WDPCP: variants seen among roughly 807,000 people sequenced by gnomAD.
WDPCP encodes the protein WD repeat containing planar cell polarity effector.
WDPCP carries 71 observed loss-of-function variants against 93.1 expected under a neutral mutation model. The ratio of observed to expected loss-of-function variants is 0.76; its 90% CI spans 0.63 to 0.93. WDPCP has a LOEUF of 0.93. Among genes scored for constraint, WDPCP ranks in the 40% least tolerant of loss-of-function variants. The pLI is 0.00. For missense variants in WDPCP, 844 were observed against 887.4 expected (o/e 0.95, Z 0.62); for synonymous variants, 315 against 315.0 (o/e 1.00, Z 0.00).
chr2:63,172,379 G>A (rs1414470014), intron 15 of WDPCP, among the ~76,000 whole-genome samples: 7 of 152,058 alleles, frequency 4.6e-5, no homozygotes, highest in Admixed American at 1.3e-4. Context: ...ATGGTGGCAC[G>A]TGCCTGTAGT....
At chr2:63,534,200 G>C (rs1019963127) in intron 1 of WDPCP, among the ~76,000 whole-genome samples, 1 of 152,188 alleles carries the variant, frequency 6.6e-6, no homozygotes, top group Non-Finnish European at 1.5e-5. Flanking sequence ...AACAGGCTCT[G>C]AAATTGAGGC....
intron 3 of WDPCP, among the ~76,000 whole-genome samples, chr2:63,647,088 A>G (rs963037838): frequency 6.6e-6 from 1 of 151,756 alleles, no homozygotes; most frequent in South Asian, 2.1e-4. Flanking sequence ...GGTGTGCTTC[A>G]TTGTTTTTTC....
chr2:63,156,246 G>A (rs184649667), intron 15 of WDPCP, among the ~76,000 whole-genome samples: 188 of 151,646 alleles, frequency 1.2e-3, no homozygotes, highest in Middle Eastern at 6.8e-3. Context: ...CATGTGATCC[G>A]CCCTCCTAGG....
intron 12 of WDPCP, among the ~76,000 whole-genome samples, chr2:63,314,395 C>T: frequency 6.6e-6 from 1 of 152,060 alleles, no homozygotes; most frequent in East Asian, 1.9e-4. Context: ...GTCTCAAATT[C>T]ATGGGCTCAA....
rs545786417 is a variant in WDPCP, at chr2:63,397,591, A to G, written c.1435+6457T>C. 1.1e-4 allele frequency among the ~76,000 whole-genome samples: 16 copies of G among 152,354 alleles called. 1 individual carries two copies. The highest frequency in any genetic ancestry group is 3.6e-4 in the African/African-American group (15 of 41,590). ...TTTCATGAGTAGGCAGAAGAAGAGC[A>G]TAAAAATGTGATAGAAAGTTGCATT... On this transcript the variant is annotated intron_variant, in intron 10 of 17. Coordinates refer to ENST00000272321, the MANE Select transcript of WDPCP (RefSeq NM_015910.7).
chr2:63,362,258 C>CTTTTT (rs67493046), intron 12 of WDPCP, among the ~76,000 whole-genome samples: 3 of 93,272 alleles, frequency 3.2e-5, no homozygotes, highest in East Asian at 3.5e-4. Flanking sequence ...GGTAGAATCC[C>CTTTTT]TTTTTTTTTT....
intron 1 of WDPCP, among the ~76,000 whole-genome samples, chr2:63,554,422 G>A (rs753023968): frequency 6.6e-6 from 1 of 151,986 alleles, no homozygotes; most frequent in Non-Finnish European, 1.5e-5. Context: ...TAAATATGTT[G>A]TACTTGATCA....
At chr2:63,174,564 T>A (rs1673654397) in intron 15 of WDPCP, 106 bp downstream of exon 15, 1 of 1,498,436 alleles carries the variant, frequency 6.7e-7, no homozygotes, top group East Asian at 2.3e-5. Context: ...AATGCAAATT[T>A]TTCTCCTTGA....
At chr2:63,790,450 C>A (rs956638404) in intron 2 of WDPCP, among the ~76,000 whole-genome samples, 1 of 152,176 alleles carries the variant, frequency 6.6e-6, no homozygotes, top group Non-Finnish European at 1.5e-5. Flanking sequence ...AGCAGGTGCA[C>A]AAGTGGATCT....
intron 3 of WDPCP, among the ~76,000 whole-genome samples, chr2:63,637,993 A>G (rs1441239342): frequency 1.3e-5 from 2 of 152,228 alleles, no homozygotes; most frequent in African/African-American, 4.8e-5. Context: ...TCTCATGTTC[A>G]TTGGATGGAT....
At position 63,211,574 on chromosome 2, in the gene WDPCP, C is replaced by T. The variant is rs1219183206; in HGVS notation, c.1916-36742G>A. The stretch of plus-strand genomic sequence containing the variant: ...GTGCCTCTTCTCCTCCAAAGGAACA[C>T]AGCTCCTTGCCAGCAACAGAACAAA... On this transcript the variant is annotated intron_variant, in intron 14 of 17. Transcript: ENST00000272321. Among the ~76,000 whole-genome samples, 3 of 152,196 alleles carry T rather than the reference C, an allele frequency of 2.0e-5. No homozygotes were observed. In the East Asian group the frequency reaches 5.8e-4, roughly 29 times the overall value.
chr2:63,291,814 A>C (rs1684443200), intron 13 of WDPCP, among the ~76,000 whole-genome samples: 1 of 151,230 alleles, frequency 6.6e-6, no homozygotes, highest in Admixed American at 6.6e-5. Context: ...CTTACAAAAA[A>C]AAAAAAAGAA....
At position 63,471,115 on chromosome 2, in the gene WDPCP, T is replaced by C. The variant is rs182340576; in HGVS notation, c.384+13489A>G. On this transcript the variant is annotated intron_variant, in intron 6 of 17. Coordinates refer to ENST00000272321, the MANE Select transcript of WDPCP (RefSeq NM_015910.7). Reference sequence around the variant, plus strand: ...CTCTCTTACATATTTTCCTTATTCATCTTTTCTTGACTCTGTCCTCTTTTA... The same window carrying C: ...CTCTCTTACATATTTTCCTTATTCACCTTTTCTTGACTCTGTCCTCTTTTA... 2.0e-3 allele frequency among the ~76,000 whole-genome samples: 308 copies of C among 152,330 alleles called. 1 individual carries two copies. The highest frequency in any genetic ancestry group is 0.017 in the Admixed American group (263 of 15,298).
chr2:63,308,891 C>A (rs893635216), intron 13 of WDPCP, among the ~76,000 whole-genome samples: 1 of 151,866 alleles, frequency 6.6e-6, no homozygotes, highest in African/African-American at 2.4e-5. Flanking sequence ...AAAGTATAAT[C>A]AAAGAAAATG....
intron 2 of WDPCP, among the ~76,000 whole-genome samples, chr2:63,759,309 C>A (rs562240296): frequency 4.6e-5 from 7 of 152,252 alleles, no homozygotes; most frequent in Admixed American, 3.9e-4. Context: ...CAACCTGTAT[C>A]GGCCTCTGTA....
intron 15 of WDPCP, among the ~76,000 whole-genome samples, chr2:63,164,427 A>G (rs925668029): frequency 6.6e-6 from 1 of 152,088 alleles, no homozygotes; most frequent in African/African-American, 2.4e-5. Flanking sequence ...TTGTGATAGC[A>G]AGTAAGTTCT....
chr2:63,136,441 T>A (rs754413224), intron 17 of WDPCP, among the ~76,000 whole-genome samples: 1 of 152,074 alleles, frequency 6.6e-6, no homozygotes, highest in African/African-American at 2.4e-5. Context: ...AATATGGGTA[T>A]AATAAAATAT....
chr2:63,622,202 CT>C, intron 3 of WDPCP: 1 of 1,600,972 alleles, frequency 6.2e-7, no homozygotes. Flanking sequence ...GCTGCTGCTG[CT>C]TCTTGGTGGC....
intron 6 of WDPCP, among the ~76,000 whole-genome samples, chr2:63,482,534 A>G (rs1700329079): frequency 6.6e-6 from 1 of 152,018 alleles, no homozygotes; most frequent in African/African-American, 2.4e-5. Context: ...TCATTCCCTT[A>G]AGCTAATAAC....
Sources: allele counts gnomAD v4.1 joint callset (sites outside exome capture counted in the v4.1 genomes callset), GRCh38; gene constraint gnomAD v4.1.1; transcripts MANE v1.5; gene names NCBI Gene and HGNC (gene_info 2026-07-23, HGNC 2026-07-21).